ZNF469: variants seen among roughly 807,000 people sequenced by gnomAD.
ZNF469 encodes zinc finger protein 469.
A neutral mutation model predicts 1.0 loss-of-function variants in ZNF469; 1 was observed. The observed-to-expected ratio is 1.00, with a 90% CI of 0.35 to 4.73. The LOEUF is 4.73. Among genes scored for constraint, ZNF469 ranks in the 30% most tolerant of loss-of-function variants. ZNF469 has a pLI of 0.16. For missense variants in ZNF469, 6,100 were observed against 5,356.3 expected (o/e 1.14, Z -4.33); for synonymous variants, 2,703 against 2,363.4 (o/e 1.14, Z -4.17).
In ZNF469 at chr16:88,382,995, A is replaced by G. The variant is rs1424340927; in HGVS notation, c.-451A>G. 1.3e-5 allele frequency among the ~76,000 whole-genome samples: 2 copies of G among 151,474 alleles called. No homozygotes were observed. The highest frequency in any genetic ancestry group is 4.8e-5 in the African/African-American group (2 of 41,268). ...CCGCCGGCCGGCGTCCGGCCTTCCC[A>G]GCACCCGGCCCAGGGCTGGAGCTGG... On this transcript the variant is annotated 5_prime_UTR_variant, in exon 1 of 3. Coordinates refer to ENST00000565624, the MANE Select transcript of ZNF469 (RefSeq NM_001367624.2).
intron 1 of ZNF469, among the ~76,000 whole-genome samples, chr16:88,398,781 C>T (rs955543448): frequency 1.5e-4 from 23 of 152,072 alleles, no homozygotes; most frequent in African/African-American, 5.6e-4. Flanking sequence ...GACTTGGCTC[C>T]TTTGCAGCAG....
chr16:88,316,385 G>A, the ZNF469 span, among the ~76,000 whole-genome samples: 4 of 152,050 alleles, frequency 2.6e-5, no homozygotes, highest in African/African-American at 4.8e-5. Flanking sequence ...ACCTTGGCAC[G>A]GCTCTTCCCA....
At chr16:88,164,001 A>G in the ZNF469 span, among the ~76,000 whole-genome samples, 1 of 147,610 alleles carries the variant, frequency 6.8e-6, no homozygotes, top group Non-Finnish European at 1.5e-5. Flanking sequence ...GGGTGGGTAG[A>G]TATATGGATG....
At chr16:88,296,179 C>G in the ZNF469 span, among the ~76,000 whole-genome samples, 3 of 152,180 alleles carry the variant, frequency 2.0e-5, no homozygotes, top group Non-Finnish European at 4.4e-5. Flanking sequence ...GCAACAGCCC[C>G]AAGGCCATAG....
the ZNF469 span, among the ~76,000 whole-genome samples, chr16:88,251,728 T>C: frequency 0.12 from 17,498 of 151,582 alleles, 1,358 homozygotes; most frequent in East Asian, 0.3. Context: ...CTGGCTAATT[T>C]TTGTATTTTG....
chr16:88,374,557 G>A, the ZNF469 span, among the ~76,000 whole-genome samples: 4 of 152,214 alleles, frequency 2.6e-5, no homozygotes, highest in Admixed American at 6.5e-5. Context: ...GCCATGTGAG[G>A]CTTCTGAGCA....
intron 1 of ZNF469, among the ~76,000 whole-genome samples, chr16:88,407,109 C>G (rs1905045619): frequency 8.8e-6 from 1 of 113,472 alleles, no homozygotes; most frequent in African/African-American, 3.8e-5. Flanking sequence ...TTTCTCCACC[C>G]TCTGCGGCCC....
chr16:88,219,642 A>G, the ZNF469 span, among the ~76,000 whole-genome samples: 479 of 151,684 alleles, frequency 3.2e-3, 2 homozygotes, highest in African/African-American at 0.01. Context: ...AGACTTAAAC[A>G]TTAGACCTAA....
At chr16:88,227,381 G>A in the ZNF469 span, among the ~76,000 whole-genome samples, 4 of 152,142 alleles carry the variant, frequency 2.6e-5, no homozygotes, top group Non-Finnish European at 4.4e-5. Context: ...CTGGCCTCAG[G>A]CTGCCCCCAC....
At chr16:88,389,092 G>A (rs1857524312) in intron 1 of ZNF469, among the ~76,000 whole-genome samples, 1 of 152,230 alleles carries the variant, frequency 6.6e-6, no homozygotes, top group South Asian at 2.1e-4. Flanking sequence ...TCACAAGGTT[G>A]TACAAACATC....
At chr16:88,230,505 C>T in the ZNF469 span, among the ~76,000 whole-genome samples, 3 of 151,434 alleles carry the variant, frequency 2.0e-5, no homozygotes, top group African/African-American at 4.9e-5. Flanking sequence ...AGGAGCGGAA[C>T]GTGGAACGCA....
the ZNF469 span, among the ~76,000 whole-genome samples, chr16:88,247,981 C>T: frequency 2.0e-5 from 3 of 152,154 alleles, no homozygotes; most frequent in Admixed American, 6.5e-5. Context: ...CAAGCTGTGA[C>T]GCGGCTGGAC....
chr16:88,352,735 G>C, the ZNF469 span, among the ~76,000 whole-genome samples: 1 of 152,230 alleles, frequency 6.6e-6, no homozygotes, highest in Non-Finnish European at 1.5e-5. Flanking sequence ...ACAGCCCCAA[G>C]GGTCTTCTCT....
At chr16:88,337,475 AGC>A in the ZNF469 span, among the ~76,000 whole-genome samples, 94 of 152,204 alleles carry the variant, frequency 6.2e-4, no homozygotes, top group African/African-American at 2.2e-3. Flanking sequence ...TGTCTTTATC[AGC>A]AGTGTGAGAA....
At chr16:88,393,768 G>C (rs11076682) in intron 1 of ZNF469, among the ~76,000 whole-genome samples, 102,854 of 152,232 alleles carry the variant, frequency 0.68, 35,375 homozygotes, top group African/African-American at 0.79. Context: ...GGTCTGAAAG[G>C]CAGAGGCCAG....
the ZNF469 span, among the ~76,000 whole-genome samples, chr16:88,254,302 T>C: frequency 6.6e-6 from 1 of 152,266 alleles, no homozygotes; most frequent in African/African-American, 2.4e-5. Flanking sequence ...ATGTCTTTAC[T>C]AAAAGTCAGT....
chr16:88,372,591 ATCATTACCACCG>A, the ZNF469 span, among the ~76,000 whole-genome samples: 1 of 150,382 alleles, frequency 6.6e-6, no homozygotes, highest in Admixed American at 6.6e-5. Flanking sequence ...CATCACCATC[ATCATTACCACCG>A]TCATCATGAT....
the ZNF469 span, among the ~76,000 whole-genome samples, chr16:88,127,118 C>T: frequency 2.7e-4 from 41 of 152,260 alleles, no homozygotes; most frequent in African/African-American, 8.9e-4. Flanking sequence ...CCACCACGCC[C>T]GGCCCAGTTT....
intron 2 of ZNF469, among the ~76,000 whole-genome samples, chr16:88,426,789 C>T (rs543547211): frequency 6.6e-6 from 1 of 150,694 alleles, no homozygotes; most frequent in Non-Finnish European, 1.5e-5. Context: ...GGGGAGTCCC[C>T]GCTTGGAACC....
Sources: allele counts gnomAD v4.1 joint callset (sites outside exome capture counted in the v4.1 genomes callset), GRCh38; gene constraint gnomAD v4.1.1; transcripts MANE v1.5; gene names NCBI Gene and HGNC (gene_info 2026-07-23, HGNC 2026-07-21).